The following IL21R variants were observed in gnomAD, a reference collection of about 807,000 sequenced individuals.
IL21R encodes interleukin-21 receptor.
Under a neutral mutation model 41.3 loss-of-function variants are expected in IL21R, and 14 were observed. The observed-to-expected ratio is 0.34, with a 90% CI of 0.22 to 0.53. IL21R has a LOEUF of 0.53. Among genes scored for constraint, IL21R ranks in the 20% least tolerant of loss-of-function variants. IL21R has a pLI of 0.94. For missense variants in IL21R, 588 were observed against 681.6 expected (o/e 0.86, Z 1.53); for synonymous variants, 286 against 287.6 (o/e 0.99, Z 0.05).
chr16:27,406,262 G>T (rs2086745258), intron 1 of IL21R, among the ~76,000 whole-genome samples: 2 of 152,248 alleles, frequency 1.3e-5, no homozygotes, highest in Admixed American at 1.3e-4. Flanking sequence ...TGCTCTACAA[G>T]CGGCCCCTCC....
At chr16:27,410,780 T>C (rs1472346152) in intron 1 of IL21R, among the ~76,000 whole-genome samples, 1 of 152,226 alleles carries the variant, frequency 6.6e-6, no homozygotes, top group Non-Finnish European at 1.5e-5. Context: ...CTTTTTCCTA[T>C]TGCATGGGTG....
chr16:27,402,837 G>A (rs1002417434), intron 1 of IL21R, among the ~76,000 whole-genome samples: 3 of 152,204 alleles, frequency 2.0e-5, no homozygotes, highest in African/African-American at 7.2e-5. Flanking sequence ...CCCAGCAGCA[G>A]GGATGTGGCT....
At chr16:27,422,365 C>A (rs2087012128) in intron 1 of IL21R, among the ~76,000 whole-genome samples, 1 of 152,048 alleles carries the variant, frequency 6.6e-6, no homozygotes, top group African/African-American at 2.4e-5. Context: ...ACTGCTATTT[C>A]TTCTTACTTG....
chr16:27,438,726 C>G (rs540496185), intron 4 of IL21R, among the ~76,000 whole-genome samples: 1 of 151,848 alleles, frequency 6.6e-6, no homozygotes, highest in African/African-American at 2.4e-5. Flanking sequence ...AAAAATTTGC[C>G]GGGCGTGGTG....
At chr16:27,441,969 A>G (rs1418225358) in intron 4 of IL21R, among the ~76,000 whole-genome samples, 2 of 152,140 alleles carry the variant, frequency 1.3e-5, no homozygotes, top group African/African-American at 2.4e-5. Context: ...CTATGATCGC[A>G]CCACTGCACT....
chr16:27,428,979 T>A (rs559181917), intron 1 of IL21R, among the ~76,000 whole-genome samples: 9 of 152,322 alleles, frequency 5.9e-5, no homozygotes, highest in African/African-American at 2.2e-4. Context: ...ATTCCAGCAC[T>A]TTGAGAGGCT....
rs193224886 is a variant in IL21R, at chr16:27,448,891, G to C, written c.1225G>C (p.Glu409Gln). ...YPALDLDAGL[E>Q]PSPGLEDPLL... is the part of the protein sequence containing the mutation. ...AGCCCTGGACCTGGATGCTGGCCTGGAGCCCAGCCCAGGCCTAGAGGACCC... is the reference window on the plus strand; with the variant it reads ...AGCCCTGGACCTGGATGCTGGCCTGCAGCCCAGCCCAGGCCTAGAGGACCC... The change falls in exon 9 of 9, where the codon GAG (glutamate) becomes CAG (glutamine). Residue 409 changes from glutamate to glutamine, a missense_variant. Coordinates refer to ENST00000337929, the MANE Select transcript of IL21R (RefSeq NM_181078.3). 3.1e-6 allele frequency: 5 copies of C among 1,612,292 alleles called. No homozygotes were observed. The highest frequency in any genetic ancestry group is 4.5e-5 in the East Asian group (2 of 44,860).
intron 1 of IL21R, among the ~76,000 whole-genome samples, chr16:27,404,414 G>A (rs1046668701): frequency 6.6e-5 from 10 of 152,238 alleles, no homozygotes; most frequent in African/African-American, 2.4e-4. Context: ...GCCAGTAAGG[G>A]GCTTGTGGGC....
intron 1 of IL21R, chr16:27,403,144 G>T (rs1156553596): frequency 9.4e-7 from 1 of 1,058,222 alleles, no homozygotes; most frequent in Admixed American, 2.2e-5. Flanking sequence ...GGACGTAGCA[G>T]GTCGGGCAGT....
chr16:27,444,768 T>C, intron 6 of IL21R, 49 bp downstream of exon 6: 4 of 1,456,264 alleles, frequency 2.7e-6, no homozygotes, highest in Non-Finnish European at 3.6e-6. Context: ...TCAAATTTTG[T>C]CCTGTTCTAG....
At chr16:27,438,930 GTGTGTGTGTGTGTGTGTGTGTGTGTA>G (rs1292172375) in intron 4 of IL21R, among the ~76,000 whole-genome samples, 3 of 83,436 alleles carry the variant, frequency 3.6e-5, no homozygotes, top group Non-Finnish European at 6.8e-5. Flanking sequence ...CTTTGGCATG[GTGTGTGTGTGTGTGTGTGTGTGTGTA>G]TGTGTGTACC....
chr16:27,451,187 A>G lies in IL21R; in HGVS notation c.*1904A>G, dbSNP rs1458301452. 8.7e-6 allele frequency: 2 copies of G among 228,960 alleles called. No homozygotes were observed. Among genetic ancestry groups the G allele is most frequent in the African/African-American group, 2.3e-5 (1 of 42,686 alleles). The allele number at this position is 228,960 out of a possible 1,614,324, so 14.2% of individuals were successfully genotyped here. On this transcript the variant is annotated 3_prime_UTR_variant, in exon 9 of 9. Transcript: ENST00000337929. Reference sequence around the variant, plus strand: ...GGTCCAGATGTGCTGTGGTTTTCACACCTTCTTGGGGGCAACAGGTTCCAG... The same window carrying G: ...GGTCCAGATGTGCTGTGGTTTTCACGCCTTCTTGGGGGCAACAGGTTCCAG...
At position 27,449,017 on chromosome 16, in the gene IL21R, C is replaced by G. The variant is rs757335123; in HGVS notation, c.1351C>G (p.Pro451Ala). ...PLGSLLDRLK[P>A]PLADGEDWAG... is the part of the protein sequence containing the mutation. ...GGGAAGCCTCCTGGACAGACTAAAG[C>G]CACCCCTTGCAGATGGGGAGGACTG... is the stretch of plus-strand genomic sequence containing the variant. The change falls in exon 9 of 9, where the codon CCA becomes GCA. Residue 451 changes from proline (P) to alanine (A), a missense_variant. By Grantham distance (27) the Pro-to-Ala change is conservative. Transcript: ENST00000337929. The G allele has an allele frequency of 6.2e-7, 1 of 1,612,248 alleles. No homozygotes were observed. Among genetic ancestry groups the G allele is most frequent in the African/African-American group, 1.3e-5 (1 of 75,056 alleles).
At chr16:27,427,550 C>T (rs1250520132) in intron 1 of IL21R, among the ~76,000 whole-genome samples, 1 of 152,078 alleles carries the variant, frequency 6.6e-6, no homozygotes, top group African/African-American at 2.4e-5. Flanking sequence ...CACACAGCAC[C>T]CGGCTAACTT....
chr16:27,437,509 G>GT lies in IL21R; in HGVS notation c.174_175insT (p.Lys59Ter), dbSNP rs1362961211. 6.2e-7 allele frequency: 1 copy of GT among 1,613,932 alleles called. No individual in the cohort carries two copies. Among genetic ancestry groups the GT allele is most frequent in the South Asian group, 1.1e-5 (1 of 91,074 alleles). On this transcript the variant is annotated frameshift_variant, in exon 4 of 9. Transcript: ENST00000337929. LOFTEE classifies it high-confidence loss of function. ...GAAGGCAAGACCAGTATGAAGAGCT[G>GT]AAGGACGAGGCCACCTCCTGCAGCC...
chr16:27,424,231 C>T (rs1277742806), intron 1 of IL21R, among the ~76,000 whole-genome samples: 1 of 152,088 alleles, frequency 6.6e-6, no homozygotes, highest in East Asian at 1.9e-4. Flanking sequence ...CCCACCACCA[C>T]ACCTGGCTAA....
intron 1 of IL21R, among the ~76,000 whole-genome samples, chr16:27,428,440 C>T (rs1020293954): frequency 3.3e-5 from 5 of 152,232 alleles, no homozygotes; most frequent in Non-Finnish European, 5.9e-5. Flanking sequence ...TCAGGGATGG[C>T]GTCTGGAGAA....
chr16:27,448,832 C>T lies in IL21R; in HGVS notation c.1166C>T (p.Thr389Ile), dbSNP rs753233631. 2 of 1,613,316 alleles carry T rather than the reference C, an allele frequency of 1.2e-6. No homozygotes were observed. Among genetic ancestry groups the T allele is most frequent in the Non-Finnish European group, 8.5e-7 (1 of 1,180,026 alleles). ...GTGCTAGATGCAGAGGGGCCATGCA[C>T]CTGGCCCTGCAGCTGTGAGGATGAC... Reference protein sequence around the residue: ...VTVLDAEGPCTWPCSCEDDGY... With the variant: ...VTVLDAEGPCIWPCSCEDDGY... The change falls in exon 9 of 9, where the codon ACC (threonine) becomes ATC (isoleucine). Residue 389 changes from threonine (T) to isoleucine (I), a missense_variant. Transcript: ENST00000337929.
chr16:27,406,660 C>T (rs1041393403), intron 1 of IL21R, among the ~76,000 whole-genome samples: 1 of 151,870 alleles, frequency 6.6e-6, no homozygotes, highest in Non-Finnish European at 1.5e-5. Flanking sequence ...TGCCTTCAGA[C>T]ACCCATAACC....
Sources: gnomAD v4.1 joint callset for allele counts (sites outside exome capture counted in the v4.1 genomes callset) on GRCh38, gnomAD v4.1.1 for gene constraint, MANE v1.5 for transcripts, NCBI Gene and HGNC (gene_info 2026-07-23, HGNC 2026-07-21) for gene names.